CDKAL1: variants seen among roughly 807,000 people sequenced by gnomAD.
The protein encoded by CDKAL1 is threonylcarbamoyladenosine tRNA methylthiotransferase.
Under a neutral mutation model 68.2 loss-of-function variants are expected in CDKAL1, and 32 were observed. The ratio of observed to expected loss-of-function variants is 0.47; its 90% CI spans 0.35 to 0.63. The LOEUF is 0.63. Among genes scored for constraint, CDKAL1 ranks in the 30% least tolerant of loss-of-function variants. The probability of loss-of-function intolerance (pLI) is 0.00; values close to 1 mark genes in which losing one functional copy is unlikely to be tolerated. For synonymous variants in CDKAL1, 234 were observed against 244.3 expected (o/e 0.96, Z 0.39); for missense variants, 606 against 696.7 (o/e 0.87, Z 1.47).
Position 21,089,917 on chromosome 6 carries a change from C to T in CDKAL1, c.1237-18484C>T, listed in dbSNP as rs145166798. On this transcript the variant is annotated intron_variant, in intron 12 of 15. Transcript: ENST00000274695. ...AAATATTGGGAATGCATAGCTACAA[C>T]CAATTAAAATAGGAAGTTACGTATG... is the stretch of plus-strand genomic sequence containing the variant. Among the ~76,000 whole-genome samples the T allele has an allele frequency of 1.7e-3, 255 of 152,234 alleles. 7 individuals are homozygous for T. In the East Asian group the frequency reaches 0.034, roughly 20 times the overall value.
At chr6:21,127,978 G>C (rs563889299) in intron 13 of CDKAL1, among the ~76,000 whole-genome samples, 3 of 152,196 alleles carry the variant, frequency 2.0e-5, no homozygotes, top group Non-Finnish European at 4.4e-5. Flanking sequence ...TTTTCTGCTA[G>C]ATGCAGATGT....
chr6:20,554,292 T>G (rs1050826196), intron 4 of CDKAL1, among the ~76,000 whole-genome samples: 24 of 152,258 alleles, frequency 1.6e-4, no homozygotes, highest in African/African-American at 5.5e-4. Flanking sequence ...AAACTTTCCC[T>G]GTGAGCACCA....
intron 9 of CDKAL1, among the ~76,000 whole-genome samples, chr6:20,941,078 AAG>A (rs141548400): frequency 0.01 from 1,571 of 151,330 alleles, 27 homozygotes; most frequent in African/African-American, 0.035. Flanking sequence ...CAGACGGAGC[AAG>A]ACTCCATCTC....
At chr6:21,073,778 T>A (rs1476975031) in intron 12 of CDKAL1, among the ~76,000 whole-genome samples, 2 of 152,220 alleles carry the variant, frequency 1.3e-5, no homozygotes, top group African/African-American at 4.8e-5. Context: ...TTTACAAATA[T>A]ATTTTTCCAG....
At chr6:21,181,230 G>T (rs1777777967) in intron 13 of CDKAL1, among the ~76,000 whole-genome samples, 1 of 152,228 alleles carries the variant, frequency 6.6e-6, no homozygotes. Flanking sequence ...ACCACTTAAA[G>T]ATTCTACATC....
rs1767366218 is a variant in CDKAL1, at chr6:21,000,408, T to C, written c.1055+36T>C. 3.2e-6 allele frequency: 5 copies of C among 1,568,322 alleles called. No individual in the cohort carries two copies. The East Asian group carries it at 9.0e-5, about 28-fold the overall frequency. ...TAGTACTTAAGAAAATAACCATTTC[T>C]TTTTTCTTTCAAAAGCTTGTGGCAA... is the stretch of plus-strand genomic sequence containing the variant. On this transcript the variant is annotated intron_variant, in intron 11 of 15. Coordinates refer to ENST00000274695, the MANE Select transcript of CDKAL1 (RefSeq NM_017774.3).
chr6:20,921,206 G>A (rs978467606), intron 9 of CDKAL1, among the ~76,000 whole-genome samples: 1 of 152,126 alleles, frequency 6.6e-6, no homozygotes, highest in Non-Finnish European at 1.5e-5. Context: ...CGAGGTGGGC[G>A]GATCACGAGG....
At chr6:20,811,485 A>G (rs1166138547) in intron 8 of CDKAL1, among the ~76,000 whole-genome samples, 1 of 152,112 alleles carries the variant, frequency 6.6e-6, no homozygotes, top group Non-Finnish European at 1.5e-5. Flanking sequence ...AGTTTATTTA[A>G]GGAAACCATT....
chr6:21,144,445 C>G (rs1343988780), intron 13 of CDKAL1, among the ~76,000 whole-genome samples: 2 of 152,106 alleles, frequency 1.3e-5, no homozygotes, highest in Admixed American at 6.6e-5. Context: ...GGAATGGATT[C>G]TGGCATTCCT....
intron 9 of CDKAL1, among the ~76,000 whole-genome samples, chr6:20,939,234 C>G (rs1763864409): frequency 6.6e-6 from 1 of 152,154 alleles, no homozygotes; most frequent in Non-Finnish European, 1.5e-5. Context: ...GTACTTCTCT[C>G]CACTTTTTTC....
chr6:20,807,041 G>C (rs1581617257), intron 8 of CDKAL1, among the ~76,000 whole-genome samples: 1 of 152,138 alleles, frequency 6.6e-6, no homozygotes, highest in East Asian at 1.9e-4. Context: ...GAACTGAAGT[G>C]TCATTGGTGA....
chr6:20,941,011 C>T (rs1763946625), intron 9 of CDKAL1, among the ~76,000 whole-genome samples: 1 of 151,674 alleles, frequency 6.6e-6, no homozygotes, highest in South Asian at 2.1e-4. Flanking sequence ...GCTGTGAACC[C>T]GGGAGGTGGA....
At chr6:20,689,621 G>A (rs1770782216) in intron 5 of CDKAL1, among the ~76,000 whole-genome samples, 1 of 152,146 alleles carries the variant, frequency 6.6e-6, no homozygotes, top group Non-Finnish European at 1.5e-5. Flanking sequence ...AAACTGTAAT[G>A]TTCATTTCAT....
chr6:20,806,432 G>A (rs912148771), intron 8 of CDKAL1, among the ~76,000 whole-genome samples: 12 of 152,154 alleles, frequency 7.9e-5, no homozygotes, highest in Admixed American at 5.2e-4. Context: ...ATAGTGCTGC[G>A]CTGAACATAC....
At chr6:20,762,277 C>T (rs1028880916) in intron 7 of CDKAL1, among the ~76,000 whole-genome samples, 1 of 152,054 alleles carries the variant, frequency 6.6e-6, no homozygotes, top group Non-Finnish European at 1.5e-5. Context: ...GTGCATTTGG[C>T]TATGAAAGTG....
At chr6:20,568,734 C>CA (rs71538795) in intron 4 of CDKAL1, among the ~76,000 whole-genome samples, 1,589 of 31,042 alleles carry the variant, frequency 0.051, 24 homozygotes, top group South Asian at 0.069. Context: ...GACTCCGCCT[C>CA]AAAAAAAAAA....
chr6:20,683,332 C>T (rs1429566682), intron 5 of CDKAL1, among the ~76,000 whole-genome samples: 2 of 152,044 alleles, frequency 1.3e-5, no homozygotes, highest in Non-Finnish European at 2.9e-5. Context: ...AAAAAGTAAC[C>T]AGGTTTTTGG....
intron 6 of CDKAL1, among the ~76,000 whole-genome samples, chr6:20,745,254 T>C (rs769421499): frequency 2.0e-5 from 3 of 152,230 alleles, no homozygotes; most frequent in Non-Finnish European, 4.4e-5. Flanking sequence ...GAAAATTATG[T>C]GTACAGTTAA....
chr6:21,133,789 C>G (rs1435422878), intron 13 of CDKAL1, among the ~76,000 whole-genome samples: 2 of 152,128 alleles, frequency 1.3e-5, no homozygotes, highest in Admixed American at 6.6e-5. Context: ...TTTACTTGTA[C>G]TAACCTCCCA....
Sources: allele counts gnomAD v4.1 joint callset (sites outside exome capture counted in the v4.1 genomes callset), GRCh38; gene constraint gnomAD v4.1.1; transcripts MANE v1.5; gene names NCBI Gene and HGNC (gene_info 2026-07-23, HGNC 2026-07-21).